The following GSDMC variants were observed in gnomAD, a reference collection of about 807,000 sequenced individuals.
The protein encoded by GSDMC is gasdermin C.
In GSDMC, 59 loss-of-function variants were observed where a neutral mutation model predicts 58.0. That is an observed-to-expected ratio of 1.02 (90% confidence interval 0.82 to 1.26). GSDMC has a LOEUF of 1.26. Among genes scored for constraint, GSDMC ranks in the 50% most tolerant of loss-of-function variants. The pLI is 0.00. For missense variants in GSDMC, 659 were observed against 598.5 expected (o/e 1.10, Z -1.06); for synonymous variants, 241 against 220.2 (o/e 1.09, Z -0.83).
the GSDMC span, among the ~76,000 whole-genome samples, chr8:129,724,940 T>A: frequency 2.0e-5 from 3 of 152,152 alleles, no homozygotes; most frequent in Non-Finnish European, 2.9e-5. Flanking sequence ...GGGACTAAGA[T>A]CTCAAGCTCT....
the GSDMC span, among the ~76,000 whole-genome samples, chr8:129,709,501 GAT>G: frequency 8.6e-6 from 1 of 115,952 alleles, no homozygotes; most frequent in African/African-American, 6.2e-5. Flanking sequence ...ATAGATGATA[GAT>G]AGACAGATGA....
chr8:129,726,493 G>A, the GSDMC span, among the ~76,000 whole-genome samples: 5 of 152,052 alleles, frequency 3.3e-5, no homozygotes, highest in African/African-American at 1.2e-4. Flanking sequence ...TGACAATGCT[G>A]CCACCTTCTG....
the GSDMC span, among the ~76,000 whole-genome samples, chr8:129,713,924 C>T: frequency 3.9e-5 from 6 of 152,094 alleles, no homozygotes; most frequent in African/African-American, 7.2e-5. Context: ...CTAATGGCCT[C>T]GGGTGGAAAA....
the GSDMC span, among the ~76,000 whole-genome samples, chr8:129,708,055 G>T: frequency 1.3e-5 from 2 of 152,148 alleles, no homozygotes; most frequent in African/African-American, 4.8e-5. Context: ...AGGTACTGTG[G>T]ACACCCATAC....
At position 129,748,705 on chromosome 8, in the gene GSDMC, G is replaced by C. The variant is rs777586767; in HGVS notation, c.1323C>G (p.Pro441=). The change falls in exon 14 of 14, where the codon CCC becomes CCG. Residue 441 remains proline, a synonymous_variant. Transcript: ENST00000276708. The part of the protein sequence containing the change: ...RSILEPNFRY[P]WSIPFTLKPE... ...GTTTGAGGGTGAAGGGAATGCTCCA[G>C]GGGTATCTGAAGTTTGGCTCCAGGA... 1 of 1,560,124 alleles carries C rather than the reference G, an allele frequency of 6.4e-7. No individual in the cohort carries two copies. Among genetic ancestry groups the C allele is most frequent in the South Asian group, 1.2e-5 (1 of 82,976 alleles).
downstream of GSDMC, among the ~76,000 whole-genome samples, chr8:129,746,639 G>T (rs937057270): frequency 2.6e-5 from 4 of 152,190 alleles, no homozygotes; most frequent in Admixed American, 6.5e-5. Context: ...TTAACTTCAA[G>T]GATGAAGAAA....
At chr8:129,765,830 G>C in intron 3 of GSDMC, 37 bp from the exon 4 acceptor site, 1 of 1,575,016 alleles carries the variant, frequency 6.3e-7, no homozygotes, top group Non-Finnish European at 8.7e-7. Context: ...AGTCAGAGTG[G>C]GAAAGTGATG....
At chr8:129,762,969 TTC>T (rs1487235280) in intron 4 of GSDMC, among the ~76,000 whole-genome samples, 1 of 152,194 alleles carries the variant, frequency 6.6e-6, no homozygotes, top group African/African-American at 2.4e-5. Context: ...TAACTATTTA[TTC>T]TCTCTTTTTG....
At chr8:129,736,726 G>C in the GSDMC span, among the ~76,000 whole-genome samples, 2 of 152,146 alleles carry the variant, frequency 1.3e-5, no homozygotes, top group African/African-American at 4.8e-5. Context: ...TTGAAAACTG[G>C]CACAAGACAG....
Position 129,776,170 on chromosome 8 carries a change from G to T in GSDMC, c.336C>A (p.Asp112Glu), listed in dbSNP as rs776529955. Residue 112 changes from aspartate to glutamate, a missense_variant, in exon 3 of 14, where the codon GAC becomes GAA. Coordinates refer to ENST00000276708, the MANE Select transcript of GSDMC (RefSeq NM_031415.3). ...TTTGAAACTCGAGGGAGCATCCATG[G>T]TCCACAGAGGCCTCCCCTGACACAC... ...EVSVSGEASV[D>E]HGCSLEFQIV... 3 of 1,613,848 alleles carry T rather than the reference G, an allele frequency of 1.9e-6. No individual in the cohort carries two copies. The highest frequency in any genetic ancestry group is 2.5e-6 in the Non-Finnish European group (3 of 1,179,810).
rs376544859 is a variant in GSDMC, at chr8:129,772,198, A to C, written c.404+3904T>G. Among the ~76,000 whole-genome samples, 3 of 149,074 alleles carry C rather than the reference A, an allele frequency of 2.0e-5. No individual in the cohort carries two copies. The South Asian group carries it at 6.5e-4, about 32-fold the overall frequency. ...ATGGCATGAACCCGGGAGGCGGAGC[A>C]TGCAGTGAGCGGAGATCGCGCCACT... On this transcript the variant is annotated intron_variant, in intron 3 of 13. Transcript: ENST00000276708.
At chr8:129,755,855 CAA>C (rs1335098143) in intron 6 of GSDMC, among the ~76,000 whole-genome samples, 1 of 147,866 alleles carries the variant, frequency 6.8e-6, no homozygotes, top group East Asian at 2.0e-4. Context: ...AACCTCAAAT[CAA>C]AAGACTTACA....
At chr8:129,760,429 G>C in intron 6 of GSDMC, 116 bp downstream of exon 6, 1 of 560,840 alleles carries the variant, frequency 1.8e-6, no homozygotes, top group East Asian at 2.9e-5. Context: ...TTTCCATTAT[G>C]TGATTATTAC....
At chr8:129,745,651 G>A (rs1173488389), downstream of GSDMC, among the ~76,000 whole-genome samples, 1 of 151,644 alleles carries the variant, frequency 6.6e-6, no homozygotes, top group Non-Finnish European at 1.5e-5. Context: ...AACTCCAGGT[G>A]CATAGAATAA....
chr8:129,734,370 T>C, the GSDMC span, among the ~76,000 whole-genome samples: 4 of 152,050 alleles, frequency 2.6e-5, no homozygotes, highest in African/African-American at 9.7e-5. Flanking sequence ...AGACACATAA[T>C]TGTCAGATTC....
intron 5 of GSDMC, 63 bp from the exon 6 acceptor site, chr8:129,760,652 A>G (rs1039135886): frequency 9.5e-6 from 9 of 942,826 alleles, no homozygotes; most frequent in African/African-American, 3.3e-5. Flanking sequence ...AACCTAGACC[A>G]GGGAACTCCT....
the GSDMC span, among the ~76,000 whole-genome samples, chr8:129,716,658 A>G: frequency 5.2e-4 from 79 of 152,238 alleles, no homozygotes; most frequent in Non-Finnish European, 9.7e-4. Context: ...TACTATGTTG[A>G]ATAGGAGTGG....
In GSDMC at chr8:129,750,440, C is replaced by T; in HGVS notation, c.1074G>A (p.Leu358=). Residue 358 remains leucine, a synonymous_variant, in exon 11 of 14, where the codon CTG becomes CTA. Transcript: ENST00000276708. Reference sequence around the variant, plus strand: ...CTGTGGAGCCCCTCACCATGTTCATCAGGTCCTGTAGAGCCCCTCTGTCTC... The same window carrying T: ...CTGTGGAGCCCCTCACCATGTTCATTAGGTCCTGTAGAGCCCCTCTGTCTC... ...MLRDRGALQD[L]MNMLELDSSG... is the part of the protein sequence containing the mutation. 6.2e-7 allele frequency: 1 copy of T among 1,613,512 alleles called. No individual in the cohort carries two copies. Among genetic ancestry groups the T allele is most frequent in the Non-Finnish European group, 8.5e-7 (1 of 1,179,760 alleles).
downstream of GSDMC, among the ~76,000 whole-genome samples, chr8:129,746,472 A>C (rs889197374): frequency 3.9e-5 from 6 of 152,222 alleles, no homozygotes; most frequent in Admixed American, 3.3e-4. Context: ...CCTAAAGGAC[A>C]ATTGGTATCT....
Sources: gnomAD v4.1 joint callset for allele counts (sites outside exome capture counted in the v4.1 genomes callset) on GRCh38, gnomAD v4.1.1 for gene constraint, MANE v1.5 for transcripts, NCBI Gene and HGNC (gene_info 2026-07-23, HGNC 2026-07-21) for gene names.